Variants in CLUL1 observed in about 807,000 individuals in gnomAD.
CLUL1 encodes the protein clusterin like 1, also known as clusterin-like protein 1.
In CLUL1, 43 loss-of-function variants were observed where a neutral mutation model predicts 49.4. The ratio of observed to expected loss-of-function variants is 0.87; its 90% confidence interval spans 0.68 to 1.12. CLUL1 has a LOEUF of 1.12. Ranked by LOEUF, CLUL1 falls within the 50% of genes most tolerant of loss-of-function variation. The probability of loss-of-function intolerance (pLI) is 0.00; values close to 1 mark genes in which losing one functional copy is unlikely to be tolerated. For synonymous variants in CLUL1, 192 were observed against 184.9 expected (o/e 1.04, Z -0.31); for missense variants, 486 against 544.4 (o/e 0.89, Z 1.07).
At chr18:614,386 G>A (rs1220816931) in intron 2 of CLUL1, 2 of 152,058 alleles carry the variant, frequency 1.3e-5, no homozygotes, top group Non-Finnish European at 2.9e-5. Context: ...AGAGAGGAAG[G>A]AAAGGAAGGA....
chr18:638,939 C>G (rs2074242818), intron 7 of CLUL1, among the ~76,000 whole-genome samples: 1 of 152,102 alleles, frequency 6.6e-6, no homozygotes, highest in African/African-American at 2.4e-5. Context: ...GTGTTCCCAT[C>G]CACATCACAT....
chr18:613,388 T>C, intron 2 of CLUL1: 1 of 264,702 alleles, frequency 3.8e-6, no homozygotes, highest in Non-Finnish European at 7.1e-6. Flanking sequence ...TCTGCCTGCC[T>C]CGGCCTCCCA....
At chr18:622,348 G>T (rs568155252) in intron 4 of CLUL1, among the ~76,000 whole-genome samples, 1 of 152,132 alleles carries the variant, frequency 6.6e-6, no homozygotes, top group Non-Finnish European at 1.5e-5. Context: ...AATGAAATGG[G>T]GTCTTGCTAT....
intron 7 of CLUL1, among the ~76,000 whole-genome samples, chr18:638,644 G>A (rs961924554): frequency 6.6e-6 from 1 of 152,014 alleles, no homozygotes; most frequent in African/African-American, 2.4e-5. Context: ...AATCACTTGA[G>A]GTTAGGAGTT....
At position 627,417 on chromosome 18, in the gene CLUL1, T is replaced by G; in HGVS notation, c.744T>G (p.Ile248Met). The change falls in exon 6 of 10, where the codon ATT becomes ATG. Residue 248 changes from isoleucine (I) to methionine (M), a missense_variant. Physicochemically the swap from Ile to Met is conservative, Grantham distance 10. Coordinates refer to ENST00000692774, the MANE Select transcript of CLUL1 (RefSeq NM_001393344.1). ...TKADLEQCWD[I>M]PNFFQLFCNF... ...CAGATCTTGAGCAATGTTGGGACATTCCCAACTTCTTCCAGCTGTTTTGTA... is the reference window on the plus strand; with the variant it reads ...CAGATCTTGAGCAATGTTGGGACATGCCCAACTTCTTCCAGCTGTTTTGTA... The G allele has an allele frequency of 6.2e-7, 1 of 1,614,134 alleles. No individual in the cohort carries two copies. Among genetic ancestry groups the G allele is most frequent in the South Asian group, 1.1e-5 (1 of 91,080 alleles).
intron 7 of CLUL1, among the ~76,000 whole-genome samples, chr18:633,847 G>A (rs9676129): frequency 0.19 from 20,544 of 107,770 alleles, 1,709 homozygotes; most frequent in East Asian, 0.24. Context: ...AGGGCGGAGC[G>A]TGTAATCGGA....
At chr18:605,709 C>T (rs761942100) in intron 1 of CLUL1, among the ~76,000 whole-genome samples, 11 of 152,068 alleles carry the variant, frequency 7.2e-5, no homozygotes, top group African/African-American at 1.4e-4. Flanking sequence ...AAGGGTCTTG[C>T]GCTGTCACCC....
intron 1 of CLUL1, among the ~76,000 whole-genome samples, chr18:601,624 C>T (rs560918730): frequency 1.4e-5 from 2 of 145,952 alleles, no homozygotes; most frequent in South Asian, 4.4e-4. Flanking sequence ...TCCAGCCTGG[C>T]AACAGAGTGA....
chr18:616,673 C>T, intron 2 of CLUL1: 44 of 960,664 alleles, frequency 4.6e-5, no homozygotes, highest in Non-Finnish European at 5.5e-5. Flanking sequence ...ACAGCTAAAT[C>T]CCTGACACGG....
intron 9 of CLUL1, among the ~76,000 whole-genome samples, chr18:645,662 C>A (rs957832284): frequency 4.0e-5 from 6 of 148,932 alleles, no homozygotes; most frequent in African/African-American, 1.5e-4. Context: ...GGCGTGGTGG[C>A]GGGCGCCTGT....
chr18:618,165 G>T lies in CLUL1; in HGVS notation c.106+59G>T. ...TTTGCATGTTGGTTGTCCTGCTGGC[G>T]TTTATAGTGAGTCGCAGTTGAGAGA... is the stretch of plus-strand genomic sequence containing the variant. On this transcript the variant is annotated intron_variant, in intron 3 of 9. Coordinates refer to ENST00000692774, the MANE Select transcript of CLUL1 (RefSeq NM_001393344.1). This position sits in a 1 kb window ranked among gnomAD's most constrained non-coding sequence, Gnocchi z 4.2. 1 of 1,278,512 alleles carries T rather than the reference G, an allele frequency of 7.8e-7. No individual in the cohort carries two copies. The highest frequency in any genetic ancestry group is 1.1e-6 in the Non-Finnish European group (1 of 878,838). 79.2% of individuals were successfully genotyped at this position (1,278,512 alleles called of 1,614,324 possible).
chr18:600,433 G>A (rs2072793810), intron 1 of CLUL1, among the ~76,000 whole-genome samples: 3 of 152,116 alleles, frequency 2.0e-5, no homozygotes, highest in Admixed American at 2.0e-4. Flanking sequence ...CCATTTTCTC[G>A]CTTAGCACAT....
rs1243217629 is a variant in CLUL1, at chr18:603,636, T to C, written c.-135-3342T>C. On this transcript the variant is annotated intron_variant, in intron 1 of 9. Coordinates refer to ENST00000692774, the MANE Select transcript of CLUL1 (RefSeq NM_001393344.1). ...ACAACCCATAGAGCTTATTCAGATT[T>C]CACCAGTTATTAGATGCACTCGTGT... Among the ~76,000 whole-genome samples the C allele has an allele frequency of 2.0e-5, 3 of 152,290 alleles. 1 individual carries two copies. The South Asian group carries it at 6.2e-4, about 32-fold the overall frequency.
chr18:597,804 C>T (rs545932120), intron 1 of CLUL1: 1 of 152,310 alleles, frequency 6.6e-6, no homozygotes, highest in South Asian at 2.1e-4. Context: ...GAATTATCAG[C>T]CCAACTTGAT....
chr18:628,777 G>A (rs2073893765), intron 6 of CLUL1, among the ~76,000 whole-genome samples: 2 of 151,378 alleles, frequency 1.3e-5, no homozygotes, highest in African/African-American at 2.4e-5. Context: ...GATTACAGGT[G>A]CCCGCCACCA....
rs192295986 is a variant in CLUL1, at chr18:610,565, C to T, written c.-14+3466C>T. ...TGTCTGTGGTTCCAGGTAACTTCAT[C>T]GAAAGAGAGTTTCAGGCAGTAGAAA... On this transcript the variant is annotated intron_variant, in intron 2 of 9. Coordinates refer to ENST00000692774, the MANE Select transcript of CLUL1 (RefSeq NM_001393344.1). 1.2e-4 allele frequency among the ~76,000 whole-genome samples: 18 copies of T among 152,170 alleles called. No individual in the cohort carries two copies. The East Asian group carries it at 2.7e-3, about 23-fold the overall frequency.
intron 9 of CLUL1, 42 bp downstream of exon 9, chr18:645,139 T>C: frequency 1.4e-6 from 2 of 1,417,252 alleles, no homozygotes; most frequent in Non-Finnish European, 1.9e-6. Flanking sequence ...TTGACAGGAA[T>C]AGTTAATTCT....
Position 606,354 on chromosome 18 carries a change from G to A in CLUL1, c.-135-624G>A, listed in dbSNP as rs974638929. On this transcript the variant is annotated intron_variant, in intron 1 of 9. Coordinates refer to ENST00000692774, the MANE Select transcript of CLUL1 (RefSeq NM_001393344.1). This position sits in a 1 kb window ranked among gnomAD's most constrained non-coding sequence, Gnocchi z 4.1. ...GGAAAAACAGCACAGGGCAGGAAAC[G>A]ATTTTCCATGTCACCAACCTTTCTC... Among the ~76,000 whole-genome samples the A allele has an allele frequency of 3.3e-5, 5 of 152,188 alleles. No individual in the cohort carries two copies. Among genetic ancestry groups the A allele is most frequent in the African/African-American group, 1.2e-4 (5 of 41,454 alleles).
chr18:633,010 A>T (rs895690004), intron 6 of CLUL1, among the ~76,000 whole-genome samples: 1 of 152,170 alleles, frequency 6.6e-6, no homozygotes, highest in Admixed American at 6.6e-5. Context: ...TACAAAGATT[A>T]GCTGGGCTTG....
Sources: gnomAD v4.1 joint callset for allele counts (sites outside exome capture counted in the v4.1 genomes callset) on GRCh38, gnomAD v4.1.1 for gene constraint, Gnocchi (gnomAD v3.1) non-coding constraint, MANE v1.5 for transcripts, NCBI Gene and HGNC (gene_info 2026-07-23, HGNC 2026-07-21) for gene names.